The following LINGO2 variants were observed in gnomAD, a reference collection of about 807,000 sequenced individuals.
The protein encoded by LINGO2 is leucine-rich repeat and immunoglobulin-like domain-containing nogo receptor-interacting protein 2.
In LINGO2, 14 loss-of-function variants were observed where a neutral mutation model predicts 30.6. The ratio of observed to expected loss-of-function variants is 0.46; its 90% CI spans 0.30 to 0.72. The LOEUF (loss-of-function observed/expected upper bound fraction) is 0.72. Ranked by LOEUF, LINGO2 falls within the 30% of genes least tolerant of loss-of-function variation. The pLI is 0.07. For missense variants in LINGO2, 729 were observed against 751.7 expected, an observed-to-expected ratio of 0.97 and a Z score of 0.35; for synonymous variants, 317 against 288.5, an observed-to-expected ratio of 1.10 and a Z score of -1.00.
At chr9:28,796,913 A>G in the LINGO2 span, among the ~76,000 whole-genome samples, 1 of 151,668 alleles carries the variant, frequency 6.6e-6, no homozygotes, top group African/African-American at 2.4e-5. Context: ...GTCTGCACTT[A>G]ATTCTAAAAT....
chr9:28,523,741 G>A (rs1156268865), intron 1 of LINGO2, among the ~76,000 whole-genome samples: 1 of 152,082 alleles, frequency 6.6e-6, no homozygotes, highest in Non-Finnish European at 1.5e-5. Flanking sequence ...CCTGTACATT[G>A]ACAAGCACAA....
At chr9:28,520,461 A>T (rs924768624) in intron 1 of LINGO2, among the ~76,000 whole-genome samples, 1 of 152,126 alleles carries the variant, frequency 6.6e-6, no homozygotes, top group Admixed American at 6.6e-5. Flanking sequence ...AGCTAAAAAA[A>T]TCTCATTACT....
rs556537490 is a variant in LINGO2, at chr9:28,057,494, C to A, written c.-86-45089G>T. ...AAAATGAGCCTTGTTCATGGCTTTC[C>A]AGTTGTGAATGTATGCATATATGTG... On this transcript the variant is annotated intron_variant, in intron 4 of 5. Coordinates refer to ENST00000379992, the Ensembl canonical transcript of LINGO2. Among the ~76,000 whole-genome samples, 24 of 118,680 alleles carry A rather than the reference C, an allele frequency of 2.0e-4. No individual in the cohort carries two copies. The South Asian group carries it at 3.0e-3, about 15-fold the overall frequency. The allele number at this position is 118,680 out of a possible 152,430, so 77.9% of individuals were successfully genotyped here.
intron 1 of LINGO2, among the ~76,000 whole-genome samples, chr9:28,476,459 T>C (rs2135195090): frequency 6.6e-6 from 1 of 151,876 alleles, no homozygotes; most frequent in Non-Finnish European, 1.5e-5. Context: ...GTATTTTTAG[T>C]AGAGACGGGG....
chr9:29,082,262 C>G, the LINGO2 span, among the ~76,000 whole-genome samples: 46 of 152,282 alleles, frequency 3.0e-4, no homozygotes, highest in African/African-American at 1.1e-3. Flanking sequence ...ACAGAGCACT[C>G]AGAAATAATA....
the LINGO2 span, among the ~76,000 whole-genome samples, chr9:29,002,686 T>C: frequency 6.6e-6 from 1 of 152,024 alleles, no homozygotes; most frequent in Admixed American, 6.6e-5. Context: ...TGTCACTATA[T>C]ATACCCTGCG....
intron 2 of LINGO2, among the ~76,000 whole-genome samples, chr9:28,460,510 T>C (rs1825035421): frequency 6.6e-6 from 1 of 151,992 alleles, no homozygotes; most frequent in African/African-American, 2.4e-5. Context: ...AAGAGAAAGA[T>C]GCTATTAGAA....
At chr9:28,711,902 G>A in the LINGO2 span, among the ~76,000 whole-genome samples, 2 of 152,090 alleles carry the variant, frequency 1.3e-5, no homozygotes, top group Non-Finnish European at 2.9e-5. Flanking sequence ...AAGGCAATGA[G>A]TCTATTAAAG....
chr9:28,147,359 C>T lies in LINGO2; in HGVS notation c.-86-134954G>A, dbSNP rs1182395547. On this transcript the variant is annotated intron_variant, in intron 4 of 5. Coordinates refer to ENST00000379992, the Ensembl canonical transcript of LINGO2. This position sits in a 1 kb window ranked among gnomAD's most constrained non-coding sequence, Gnocchi z 4.7. ...GGCAAATTTGTAAAAAGTGGAGACC[C>T]TGCCTGCCAGGGAGGCATGTGGTAA... Among the ~76,000 whole-genome samples, 8 of 152,210 alleles carry T rather than the reference C, an allele frequency of 5.3e-5. No individual in the cohort carries two copies. Among genetic ancestry groups the T allele is most frequent in the Non-Finnish European group, 1.2e-4 (8 of 68,042 alleles).
chr9:28,484,227 C>G (rs1826082236), intron 1 of LINGO2, among the ~76,000 whole-genome samples: 1 of 152,012 alleles, frequency 6.6e-6, no homozygotes, highest in Non-Finnish European at 1.5e-5. Flanking sequence ...CAGTCTATCT[C>G]CCATTCAATG....
the LINGO2 span, among the ~76,000 whole-genome samples, chr9:29,057,847 T>A: frequency 1.3e-5 from 2 of 152,050 alleles, no homozygotes; most frequent in Non-Finnish European, 2.9e-5. Context: ...GCATGGAAAG[T>A]ATTAAAATCC....
At chr9:28,770,433 T>C in the LINGO2 span, among the ~76,000 whole-genome samples, 1 of 152,186 alleles carries the variant, frequency 6.6e-6, no homozygotes, top group South Asian at 2.1e-4. Flanking sequence ...GGTATTTTAT[T>C]CTCACCTGCT....
the LINGO2 span, among the ~76,000 whole-genome samples, chr9:28,950,380 G>A: frequency 6.6e-6 from 1 of 152,078 alleles, no homozygotes; most frequent in East Asian, 1.9e-4. Context: ...ACATAATATC[G>A]GAAGTTCTGG....
intron 4 of LINGO2, among the ~76,000 whole-genome samples, chr9:28,161,176 A>C (rs76990489): frequency 6.6e-6 from 1 of 152,304 alleles, no homozygotes; most frequent in African/African-American, 2.4e-5. Context: ...GTATAAATTA[A>C]CTTTGCTATT....
At chr9:28,713,399 C>T in the LINGO2 span, among the ~76,000 whole-genome samples, 1,569 of 152,220 alleles carry the variant, frequency 0.01, 29 homozygotes, top group African/African-American at 0.036. Flanking sequence ...CTTGGTCACA[C>T]AATTTGCCCT....
chr9:28,679,319 T>A, the LINGO2 span, among the ~76,000 whole-genome samples: 3 of 152,112 alleles, frequency 2.0e-5, no homozygotes, highest in Admixed American at 2.0e-4. Flanking sequence ...ATCTCAAAAC[T>A]CAGCTTCCCA....
intron 5 of LINGO2, among the ~76,000 whole-genome samples, chr9:28,003,330 GATATATAGATAT>G (rs1394598963): frequency 1.9e-4 from 25 of 133,580 alleles, no homozygotes; most frequent in African/African-American, 7.5e-4. Flanking sequence ...TAACCATATA[GATATATAGATAT>G]ATAGATAGAT....
chr9:28,561,900 G>A (rs73644067), intron 1 of LINGO2, among the ~76,000 whole-genome samples: 4,276 of 151,068 alleles, frequency 0.028, 188 homozygotes, highest in African/African-American at 0.095. Context: ...GATCTGTGGT[G>A]TACCAATATG....
intron 1 of LINGO2, among the ~76,000 whole-genome samples, chr9:28,563,447 G>C (rs1207998753): frequency 6.6e-6 from 1 of 152,030 alleles, no homozygotes; most frequent in Admixed American, 6.5e-5. Flanking sequence ...GACAATAAAA[G>C]AATAATCCTC....
Sources: gnomAD v4.1 joint callset for allele counts (sites outside exome capture counted in the v4.1 genomes callset) on GRCh38, gnomAD v4.1.1 for gene constraint, Gnocchi (gnomAD v3.1) non-coding constraint, MANE v1.5 for transcripts, NCBI Gene and HGNC (gene_info 2026-07-23, HGNC 2026-07-21) for gene names.